Variants in NLRP11 observed in about 807,000 individuals in gnomAD.
NLRP11 encodes the protein NLR family pyrin domain containing 11, also known as NACHT, LRR and PYD domains-containing protein 11.
In NLRP11, 53 loss-of-function variants were observed where a neutral mutation model predicts 79.3. The ratio of observed to expected loss-of-function variants is 0.67; its 90% confidence interval spans 0.54 to 0.84. The LOEUF is 0.84. Ranked by LOEUF, NLRP11 falls within the 40% of genes least tolerant of loss-of-function variation. NLRP11 has a pLI of 0.00. For synonymous variants in NLRP11, 518 were observed against 462.6 expected, an observed-to-expected ratio of 1.12 and a Z score of -1.54; for missense variants, 1,264 against 1,255.0, an observed-to-expected ratio of 1.01 and a Z score of -0.11.
At chr19:55,785,701 T>A (rs1172681349) in exon 10 of NLRP11, 1 of 1,614,044 alleles carries the variant, frequency 6.2e-7, no homozygotes. Flanking sequence ...AAACATGTAA[T>A]CCAAATTAGA....
intron 2 of NLRP11, among the ~76,000 whole-genome samples, chr19:55,816,856 T>G (rs7256651): frequency 0.22 from 33,922 of 152,066 alleles, 5,784 homozygotes; most frequent in African/African-American, 0.48. Flanking sequence ...GGTAGGATCA[T>G]AAAGCCACAA....
At chr19:55,793,556 CAAAAAAAAA>C (rs59605427) in intron 6 of NLRP11, among the ~76,000 whole-genome samples, 56 of 35,692 alleles carry the variant, frequency 1.6e-3, no homozygotes, top group African/African-American at 6.6e-3. Flanking sequence ...TGACTGTCTC[CAAAAAAAAA>C]AAAAAAAAAA....
intron 6 of NLRP11, among the ~76,000 whole-genome samples, chr19:55,793,491 C>T (rs537430143): frequency 1.8e-4 from 24 of 132,436 alleles, no homozygotes; most frequent in African/African-American, 2.3e-4. Flanking sequence ...CTGCCTGAAC[C>T]GGAGAGGTGG....
rs757763172 is a variant in NLRP11 at position 55,796,260 on chromosome 19, G to C, written c.2172-10C>G. On this transcript the variant is annotated splice_polypyrimidine_tract_variant and intron_variant, in intron 5 of 9. Transcript: ENST00000589093. ...ATCACATTTCATCAAGCTGTAAGAG[G>C]AATTCAGAAATGAAAAGAGGCTCCC... 6.2e-7 allele frequency: 1 copy of C among 1,603,840 alleles called. No homozygotes were observed. Among genetic ancestry groups the C allele is most frequent in the Non-Finnish European group, 8.5e-7 (1 of 1,173,718 alleles).
chr19:55,789,247 C>T (rs1308077997), exon 8 of NLRP11: 4 of 1,611,880 alleles, frequency 2.5e-6, no homozygotes, highest in East Asian at 2.2e-5. Flanking sequence ...CACCAACATG[C>T]AGTTGGGATG....
At chr19:55,803,624 T>C (rs1335033479) in intron 4 of NLRP11, among the ~76,000 whole-genome samples, 1 of 152,058 alleles carries the variant, frequency 6.6e-6, no homozygotes, top group Non-Finnish European at 1.5e-5. Flanking sequence ...GATAACCTCA[T>C]TAAAAAGTGG....
At chr19:55,790,085 C>T (rs1406909164) in intron 7 of NLRP11, among the ~76,000 whole-genome samples, 1 of 152,140 alleles carries the variant, frequency 6.6e-6, no homozygotes, top group Non-Finnish European at 1.5e-5. Flanking sequence ...TGTATGACTC[C>T]ATCCACAACC....
At chr19:55,794,897 A>G (rs557783840) in intron 6 of NLRP11, among the ~76,000 whole-genome samples, 36 of 152,204 alleles carry the variant, frequency 2.4e-4, no homozygotes, top group Admixed American at 2.4e-3. Flanking sequence ...ATCAGTTTGT[A>G]TTATGTTTTG....
At chr19:55,796,684 C>A (rs1268700301) in intron 5 of NLRP11, among the ~76,000 whole-genome samples, 1 of 132,410 alleles carries the variant, frequency 7.6e-6, no homozygotes, top group East Asian at 2.0e-4. Flanking sequence ...TCTCAACTAT[C>A]TCTATTTTCT....
intron 1 of NLRP11, among the ~76,000 whole-genome samples, chr19:55,818,606 T>C (rs1981372028): frequency 6.6e-6 from 1 of 152,218 alleles, no homozygotes. Flanking sequence ...TCTTACAAGA[T>C]ATGCTGTTGT....
At chr19:55,808,002 G>A (rs1474043249) in exon 4 of NLRP11, 1 of 1,600,182 alleles carries the variant, frequency 6.2e-7, no homozygotes, top group East Asian at 2.2e-5. Context: ...AGTAGACAAG[G>A]CTCTTCATTT....
At position 55,789,408 on chromosome 19, in the gene NLRP11, C is replaced by G; in HGVS notation, c.2514-9G>C. On this transcript the variant is annotated splice_polypyrimidine_tract_variant and intron_variant, in intron 7 of 9. Transcript: ENST00000589093. ...AGAAACAGCCAGACAGACTGCAAAA[C>G]AGAAACATGAGCTAGAGTCATGACC... is the stretch of plus-strand genomic sequence containing the variant. The G allele has an allele frequency of 1.2e-6, 2 of 1,608,562 alleles. No individual in the cohort carries two copies. The highest frequency in any genetic ancestry group is 1.7e-6 in the Non-Finnish European group (2 of 1,177,856).
At chr19:55,793,321 C>A (rs1227637115) in intron 6 of NLRP11, among the ~76,000 whole-genome samples, 1 of 151,986 alleles carries the variant, frequency 6.6e-6, no homozygotes, top group African/African-American at 2.4e-5. Context: ...GTAATCCTGG[C>A]ACCTTGGGAG....
intron 1 of NLRP11, among the ~76,000 whole-genome samples, chr19:55,831,497 G>C (rs1383210547): frequency 6.6e-6 from 1 of 152,116 alleles, no homozygotes; most frequent in African/African-American, 2.4e-5. Context: ...AGGAGACAGA[G>C]GTTGCAGTGC....
chr19:55,823,020 A>G (rs1981938108), intron 1 of NLRP11, among the ~76,000 whole-genome samples: 2 of 150,752 alleles, frequency 1.3e-5, no homozygotes, highest in Non-Finnish European at 2.9e-5. Context: ...CCTGTCTGAC[A>G]GCTTTGAAGA....
At chr19:55,813,440 A>G (rs1443374424) in intron 2 of NLRP11, among the ~76,000 whole-genome samples, 1 of 152,086 alleles carries the variant, frequency 6.6e-6, no homozygotes, top group African/African-American at 2.4e-5. Flanking sequence ...GGCATCTACC[A>G]ATTTCCTGTC....
At chr19:55,804,094 A>ATG (rs1160563560) in intron 4 of NLRP11, among the ~76,000 whole-genome samples, 1 of 148,202 alleles carries the variant, frequency 6.7e-6, no homozygotes, top group Non-Finnish European at 1.5e-5. Flanking sequence ...AAAACAAATT[A>ATG]TGTATATATA....
chr19:55,815,528 C>CAAAA (rs11343133), intron 2 of NLRP11, among the ~76,000 whole-genome samples: 113 of 92,812 alleles, frequency 1.2e-3, no homozygotes, highest in African/African-American at 3.5e-3. Flanking sequence ...GACTCCATCT[C>CAAAA]AAAAAAAAAA....
At chr19:55,814,339 T>C (rs1399179388) in intron 2 of NLRP11, among the ~76,000 whole-genome samples, 4 of 152,166 alleles carry the variant, frequency 2.6e-5, no homozygotes, top group African/African-American at 9.7e-5. Context: ...TATTTCATTA[T>C]ATATTACAAT....
Sources: gnomAD v4.1 joint callset for allele counts (sites outside exome capture counted in the v4.1 genomes callset) on GRCh38, gnomAD v4.1.1 for gene constraint, MANE v1.5 for transcripts, NCBI Gene and HGNC (gene_info 2026-07-23, HGNC 2026-07-21) for gene names.